Variants in ARHGAP35 observed in about 807,000 individuals in gnomAD.
The protein encoded by ARHGAP35 is rho GTPase-activating protein 35.
Under a neutral mutation model 111.1 loss-of-function variants are expected in ARHGAP35, and 15 were observed. The observed-to-expected ratio is 0.13, with a 90% CI of 0.09 to 0.21. The LOEUF (loss-of-function observed/expected upper bound fraction) is 0.21, where lower values mean the gene tolerates loss of function less well. ARHGAP35 is among the 10% of genes least tolerant of loss of function. The pLI, the probability that ARHGAP35 is intolerant of heterozygous loss-of-function variation, is 1.00. For synonymous variants in ARHGAP35, 643 were observed against 710.3 expected (o/e 0.91, Z 1.51); for missense variants, 1,262 against 1,873.0 (o/e 0.67, Z 6.02).
At chr19:46,933,257 C>A (rs1017457640) in intron 2 of ARHGAP35, among the ~76,000 whole-genome samples, 1 of 151,464 alleles carries the variant, frequency 6.6e-6, no homozygotes, top group Non-Finnish European at 1.5e-5. Flanking sequence ...AATCCTCCCA[C>A]TGCAGCCTCT....
At chr19:46,877,248 CAAAAA>C (rs35968599) in intron 1 of ARHGAP35, among the ~76,000 whole-genome samples, 6 of 89,866 alleles carry the variant, frequency 6.7e-5, no homozygotes, top group South Asian at 4.0e-4. Context: ...AAAACTGTCT[CAAAAA>C]AAAAAAAAAA....
chr19:46,894,376 G>C (rs936487303), intron 1 of ARHGAP35, among the ~76,000 whole-genome samples: 2 of 148,746 alleles, frequency 1.3e-5, no homozygotes, highest in South Asian at 2.1e-4. Flanking sequence ...CCTTGGAGCA[G>C]TTTTTATTTT....
chr19:46,890,612 T>C (rs2056019091), intron 1 of ARHGAP35, among the ~76,000 whole-genome samples: 2 of 152,228 alleles, frequency 1.3e-5, no homozygotes, highest in Non-Finnish European at 2.9e-5. Flanking sequence ...CTATGTTTCA[T>C]TGAAATTTCA....
At chr19:46,884,893 T>C (rs770497708) in intron 1 of ARHGAP35, among the ~76,000 whole-genome samples, 2 of 152,092 alleles carry the variant, frequency 1.3e-5, no homozygotes, top group Non-Finnish European at 2.9e-5. Context: ...CTTTTTAAAA[T>C]TTTTAGTAGA....
At position 46,883,261 on chromosome 19, in the gene ARHGAP35, ATTT is replaced by A. The variant is rs532740072; in HGVS notation, c.-189+22065_-189+22067del. ...AGGCACGTGCCACCATGCCTGGCTA[ATTT>A]TTTTTTTTTTTTGTTAGTAGAGACA... is the stretch of plus-strand genomic sequence containing the variant. On this transcript the variant is annotated intron_variant, in intron 1 of 6. Transcript: ENST00000672722. Among the ~76,000 whole-genome samples the A allele has an allele frequency of 2.1e-5, 3 of 144,926 alleles. No homozygotes were observed. In the East Asian group the frequency reaches 6.1e-4, roughly 29 times the overall value.
At chr19:46,957,378 C>A (rs2056445735) in intron 3 of ARHGAP35, among the ~76,000 whole-genome samples, 1 of 152,048 alleles carries the variant, frequency 6.6e-6, no homozygotes, top group South Asian at 2.1e-4. Context: ...CTTCTGGAGG[C>A]CGAGGCAGGA....
intron 1 of ARHGAP35, among the ~76,000 whole-genome samples, chr19:46,884,179 C>T (rs1242242356): frequency 6.6e-6 from 1 of 152,106 alleles, no homozygotes; most frequent in Non-Finnish European, 1.5e-5. Context: ...GCCATGGTGG[C>T]TCACATCTGT....
chr19:46,880,831 A>G (rs959262828), intron 1 of ARHGAP35, among the ~76,000 whole-genome samples: 1 of 151,430 alleles, frequency 6.6e-6, no homozygotes, highest in Non-Finnish European at 1.5e-5. Context: ...ACATGCTGCC[A>G]TGCTGGACTA....
rs2056685194 is a variant in ARHGAP35 at position 46,992,603 on chromosome 19, T to C, written c.4036+2928T>C. ...CAGCTGGTGTCCACAGGCCCTGTCCTATGGCTTTTGTGCTGGAAGGGGTGC... is the reference window on the plus strand; with the variant it reads ...CAGCTGGTGTCCACAGGCCCTGTCCCATGGCTTTTGTGCTGGAAGGGGTGC... On this transcript the variant is annotated intron_variant, in intron 5 of 6. Transcript: ENST00000672722. The surrounding 1 kb of genome is among the most constrained non-coding windows in gnomAD (Gnocchi z 4.4). 1.3e-5 allele frequency among the ~76,000 whole-genome samples: 2 copies of C among 151,786 alleles called. No homozygotes were observed. Among genetic ancestry groups the C allele is most frequent in the Admixed American group, 1.3e-4 (2 of 15,240 alleles).
chr19:46,977,758 C>G (rs527505766), intron 3 of ARHGAP35, among the ~76,000 whole-genome samples: 1 of 152,274 alleles, frequency 6.6e-6, no homozygotes, highest in South Asian at 2.1e-4. Context: ...TCGGACTGCC[C>G]GGGTGTGAAT....
chr19:46,862,135 C>G (rs1381672637), intron 1 of ARHGAP35, among the ~76,000 whole-genome samples: 3 of 152,092 alleles, frequency 2.0e-5, no homozygotes, highest in African/African-American at 7.2e-5. Context: ...TGCCCCTTGC[C>G]CGACCTCAGA....
chr19:46,923,164 G>A (rs2056214618), intron 2 of ARHGAP35, among the ~76,000 whole-genome samples: 1 of 150,598 alleles, frequency 6.6e-6, no homozygotes, highest in Non-Finnish European at 1.5e-5. Context: ...GAGTGCAGTG[G>A]CGCGATCTCC....
chr19:46,983,606 CTTTTTTTTTTTTTTTTT>C lies in ARHGAP35; in HGVS notation c.3827-4374_3827-4358del, dbSNP rs11383795. 7.2e-5 allele frequency among the ~76,000 whole-genome samples: 5 copies of C among 69,270 alleles called. No individual in the cohort carries two copies. In the South Asian group the frequency reaches 2.9e-3, roughly 40 times the overall value. The allele number at this position is 69,270 out of a possible 152,430, so 45.4% of individuals were successfully genotyped here. A position where few individuals can be genotyped will look rare whatever the true frequency, so the allele number is the denominator to read the frequency against. On this transcript the variant is annotated intron_variant, in intron 3 of 6. Transcript: ENST00000672722. Reference sequence around the variant, plus strand: ...TATTTGCCATTCTGTAATGTCCATTCTTTTTTTTTTTTTTTTTTTTTTTTTGAGACAGAGTCTCGCTT... The same window carrying C: ...TATTTGCCATTCTGTAATGTCCATTCTTTTTTTTGAGACAGAGTCTCGCTT...
intron 1 of ARHGAP35, among the ~76,000 whole-genome samples, chr19:46,906,758 A>G (rs1307777686): frequency 6.6e-6 from 1 of 152,218 alleles, no homozygotes; most frequent in Non-Finnish European, 1.5e-5. Context: ...AATCCAAAAC[A>G]CTGCTTTCAA....
intron 1 of ARHGAP35, among the ~76,000 whole-genome samples, chr19:46,880,263 T>C (rs1462824126): frequency 6.6e-6 from 1 of 151,122 alleles, no homozygotes; most frequent in East Asian, 2.0e-4. Context: ...AGAAACCCCC[T>C]CTCTACTAAA....
At chr19:46,934,405 TCGCCCAG>T (rs950953078) in intron 2 of ARHGAP35, among the ~76,000 whole-genome samples, 43 of 152,352 alleles carry the variant, frequency 2.8e-4, no homozygotes, top group African/African-American at 1.0e-3. Context: ...TCTTGCTCTG[TCGCCCAG>T]GCTGGAGTGC....
In ARHGAP35 at chr19:46,999,733, T is replaced by A. The variant is rs1034613067; in HGVS notation, c.4142+324T>A. On this transcript the variant is annotated intron_variant, in intron 6 of 6. Coordinates refer to ENST00000672722, the MANE Select transcript of ARHGAP35 (RefSeq NM_004491.5). The surrounding 1 kb of genome is among the most constrained non-coding windows in gnomAD (Gnocchi z 5.4). Reference sequence around the variant, plus strand: ...TCCCAAAGCTGGCAGAGAGAGAAGATCTTCTGGTTGGTACTGATGCTCCAG... The same window carrying A: ...TCCCAAAGCTGGCAGAGAGAGAAGAACTTCTGGTTGGTACTGATGCTCCAG... 4 of 342,598 alleles carry A rather than the reference T, an allele frequency of 1.2e-5. No individual in the cohort carries two copies. Among genetic ancestry groups the A allele is most frequent in the Non-Finnish European group, 2.1e-5 (4 of 186,996 alleles). The allele number at this position is 342,598 out of a possible 1,614,324, so 21.2% of individuals were successfully genotyped here.
At chr19:46,970,531 G>C (rs915293012) in intron 3 of ARHGAP35, among the ~76,000 whole-genome samples, 3 of 152,154 alleles carry the variant, frequency 2.0e-5, no homozygotes, top group African/African-American at 7.2e-5. Flanking sequence ...CACACACCCA[G>C]GTGTACACTT....
intron 3 of ARHGAP35, among the ~76,000 whole-genome samples, chr19:46,979,803 A>C (rs999950281): frequency 6.6e-6 from 1 of 152,014 alleles, no homozygotes; most frequent in Non-Finnish European, 1.5e-5. Context: ...TCATGGGGGG[A>C]AAGTCTGGCA....
Sources: gnomAD v4.1 joint callset for allele counts (sites outside exome capture counted in the v4.1 genomes callset) on GRCh38, gnomAD v4.1.1 for gene constraint, Gnocchi (gnomAD v3.1) non-coding constraint, MANE v1.5 for transcripts, NCBI Gene and HGNC (gene_info 2026-07-23, HGNC 2026-07-21) for gene names.